TOX2: variants seen among roughly 807,000 people sequenced by gnomAD.
TOX2 encodes granulosa cell HMG box 1.
TOX2 carries 15 observed loss-of-function variants against 47.4 expected under a neutral mutation model. The observed-to-expected ratio is 0.32, with a 90% CI of 0.21 to 0.49. The LOEUF is 0.49. Among genes scored for constraint, TOX2 ranks in the 20% least tolerant of loss-of-function variants. The pLI, the probability that TOX2 is intolerant of heterozygous loss-of-function variation, is 0.99. For synonymous variants in TOX2, 290 were observed against 296.6 expected (o/e 0.98, Z 0.23); for missense variants, 622 against 673.1 (o/e 0.92, Z 0.84).
intron 3 of TOX2, among the ~76,000 whole-genome samples, chr20:44,042,996 G>A (rs1460184426): frequency 6.6e-6 from 1 of 152,196 alleles, no homozygotes; most frequent in Non-Finnish European, 1.5e-5. Flanking sequence ...GAACAGCAGT[G>A]CCATTTTACT....
chr20:43,978,829 A>G (rs1390867013), intron 2 of TOX2, among the ~76,000 whole-genome samples: 2 of 151,906 alleles, frequency 1.3e-5, no homozygotes, highest in Non-Finnish European at 2.9e-5. Context: ...CATGAATGAC[A>G]TCAGATTTGC....
At chr20:44,029,951 C>T (rs1443248563) in intron 3 of TOX2, among the ~76,000 whole-genome samples, 2 of 152,138 alleles carry the variant, frequency 1.3e-5, no homozygotes, top group African/African-American at 2.4e-5. Context: ...TGTATTAGAC[C>T]AGGCTCCTGG....
intron 1 of TOX2, among the ~76,000 whole-genome samples, chr20:43,960,116 A>G (rs2145424490): frequency 6.6e-6 from 1 of 152,316 alleles, no homozygotes; most frequent in East Asian, 1.9e-4. Flanking sequence ...GATTATAGGA[A>G]CGGATGTTTG....
chr20:43,983,453 G>GTGCT, intron 2 of TOX2, among the ~76,000 whole-genome samples: 1 of 152,216 alleles, frequency 6.6e-6, no homozygotes, highest in East Asian at 1.9e-4. Flanking sequence ...AGAAGACAAG[G>GTGCT]TGCTGTTCAG....
intron 1 of TOX2, among the ~76,000 whole-genome samples, chr20:43,917,786 A>G (rs2206730): frequency 0.26 from 39,802 of 152,124 alleles, 5,551 homozygotes; most frequent in East Asian, 0.46. Context: ...ATAGATGTGT[A>G]TTTTATTAAA....
Position 43,981,061 on chromosome 20 carries a change from T to C in TOX2, c.165+7629T>C, listed in dbSNP as rs114038173. On this transcript the variant is annotated intron_variant, in intron 2 of 8. Coordinates refer to ENST00000341197, the MANE Select transcript of TOX2 (RefSeq NM_001098797.2). ...AACCAATAGTTTACAGAAAAAGAAA[T>C]ACAAGTGGCTCTTAAGTATGTGAAA... Among the ~76,000 whole-genome samples the C allele has an allele frequency of 1.7e-3, 265 of 152,208 alleles. 2 individuals are homozygous for C. Among genetic ancestry groups the C allele is most frequent in the African/African-American group, 6.2e-3 (256 of 41,516 alleles).
chr20:43,969,557 G>A (rs1027086177), intron 1 of TOX2, among the ~76,000 whole-genome samples: 1 of 152,224 alleles, frequency 6.6e-6, no homozygotes, highest in Non-Finnish European at 1.5e-5. Context: ...GCCAGAGGGA[G>A]CCTGGGAACC....
chr20:43,982,123 G>T (rs1222549808), intron 2 of TOX2, among the ~76,000 whole-genome samples: 1 of 152,134 alleles, frequency 6.6e-6, no homozygotes, highest in East Asian at 1.9e-4. Flanking sequence ...GGAGTGCTGG[G>T]TGTGGAGGAC....
Position 43,916,032 on chromosome 20 carries a change from G to A in TOX2, c.99+1042G>A, listed in dbSNP as rs2069051294. 1 of 821,830 alleles carries A rather than the reference G, an allele frequency of 1.2e-6. No homozygotes were observed. The highest frequency in any genetic ancestry group is 1.5e-6 in the Non-Finnish European group (1 of 680,658). 50.9% of individuals were successfully genotyped at this position (821,830 alleles called of 1,614,324 possible). ...CCGCGTCCCCTTCGGTCGCCGGAGA[G>A]GGAACTTTCAAACTTAGTTAGGAAG... is the stretch of plus-strand genomic sequence containing the variant. On this transcript the variant is annotated intron_variant, in intron 1 of 8. Coordinates refer to ENST00000341197, the MANE Select transcript of TOX2 (RefSeq NM_001098797.2). The surrounding 1 kb of genome is among the most constrained non-coding windows in gnomAD (Gnocchi z 5.0).
rs1033279086 is a variant in TOX2 at position 43,916,343 on chromosome 20, G to C, written c.99+1353G>C. 1 of 674,352 alleles carries C rather than the reference G, an allele frequency of 1.5e-6. No homozygotes were observed. The highest frequency in any genetic ancestry group is 1.8e-6 in the Non-Finnish European group (1 of 545,814). 41.8% of individuals were successfully genotyped at this position (674,352 alleles called of 1,614,324 possible). The stretch of plus-strand genomic sequence containing the variant: ...CGGCGCGGATCCCGGGGCCTCCCGG[G>C]CTGGGCCTCCCTGAGTGCGCCCTCA... On this transcript the variant is annotated intron_variant, in intron 1 of 8. Coordinates refer to ENST00000341197, the MANE Select transcript of TOX2 (RefSeq NM_001098797.2). This position sits in a 1 kb window ranked among gnomAD's most constrained non-coding sequence, Gnocchi z 5.0.
At chr20:43,943,226 C>T (rs923399287) in intron 1 of TOX2, among the ~76,000 whole-genome samples, 3 of 152,142 alleles carry the variant, frequency 2.0e-5, no homozygotes, top group Admixed American at 2.0e-4. Context: ...CGATCACAAC[C>T]CCAAATGCCT....
intron 1 of TOX2, among the ~76,000 whole-genome samples, chr20:43,959,548 G>T (rs537512510): frequency 4.1e-4 from 62 of 152,222 alleles, no homozygotes; most frequent in South Asian, 3.7e-3. Flanking sequence ...TTTTTGAACC[G>T]CTCCAAGATC....
At chr20:44,021,645 T>G (rs1438018604) in intron 3 of TOX2, among the ~76,000 whole-genome samples, 1 of 152,124 alleles carries the variant, frequency 6.6e-6, no homozygotes, top group African/African-American at 2.4e-5. Context: ...CGACTTTTTT[T>G]TGAGAAAGAG....
chr20:44,022,070 C>A (rs2070984580), intron 3 of TOX2, among the ~76,000 whole-genome samples: 1 of 152,340 alleles, frequency 6.6e-6, no homozygotes, highest in Admixed American at 6.5e-5. Context: ...ACACATGCGT[C>A]CACAGCACAA....
At chr20:43,968,182 A>G (rs553409972) in intron 1 of TOX2, among the ~76,000 whole-genome samples, 1 of 152,118 alleles carries the variant, frequency 6.6e-6, no homozygotes, top group Admixed American at 6.6e-5. Flanking sequence ...CCATCCATCC[A>G]TCCCATCCTT....
At chr20:43,938,638 G>A (rs532715489) in intron 1 of TOX2, among the ~76,000 whole-genome samples, 25 of 152,250 alleles carry the variant, frequency 1.6e-4, no homozygotes, top group Admixed American at 3.3e-4. Context: ...CCCACTTTAC[G>A]GAGAGCCTCA....
At chr20:44,023,510 C>A (rs1224762301) in intron 3 of TOX2, among the ~76,000 whole-genome samples, 1 of 150,940 alleles carries the variant, frequency 6.6e-6, no homozygotes. Flanking sequence ...GGACAGGAAG[C>A]ATCTTGGACT....
intron 3 of TOX2, among the ~76,000 whole-genome samples, chr20:44,040,160 A>G (rs1474597807): frequency 6.6e-6 from 1 of 152,202 alleles, no homozygotes; most frequent in African/African-American, 2.4e-5. Context: ...CTTCTTCTAA[A>G]GGCTGAAATT....
chr20:44,035,043 C>T (rs1490700533), intron 3 of TOX2, among the ~76,000 whole-genome samples: 1 of 152,238 alleles, frequency 6.6e-6, no homozygotes, highest in Non-Finnish European at 1.5e-5. Context: ...CACTCAATCA[C>T]CTGTCAATAT....
Sources: gnomAD v4.1 joint callset for allele counts (sites outside exome capture counted in the v4.1 genomes callset) on GRCh38, gnomAD v4.1.1 for gene constraint, Gnocchi (gnomAD v3.1) non-coding constraint, MANE v1.5 for transcripts, NCBI Gene and HGNC (gene_info 2026-07-23, HGNC 2026-07-21) for gene names.